The following TLK1 variants were observed in gnomAD, a reference collection of about 807,000 sequenced individuals.
TLK1 encodes serine/threonine-protein kinase tousled-like 1.
In TLK1, 24 loss-of-function variants were observed where a neutral mutation model predicts 105.3. That is an observed-to-expected ratio of 0.23 (90% CI 0.17 to 0.32). The LOEUF (loss-of-function observed/expected upper bound fraction) is 0.32. Ranked by LOEUF, TLK1 falls within the 10% of genes least tolerant of loss-of-function variation. TLK1 has a pLI of 1.00. For synonymous variants in TLK1, 321 were observed against 310.4 expected (o/e 1.03, Z -0.36); for missense variants, 558 against 910.5 (o/e 0.61, Z 4.98).
At chr2:171,069,791 C>A (rs376885743) in intron 3 of TLK1, among the ~76,000 whole-genome samples, 2 of 152,100 alleles carry the variant, frequency 1.3e-5, no homozygotes, top group Non-Finnish European at 2.9e-5. Context: ...ATTATGTATT[C>A]GTGAATTCTA....
intron 2 of TLK1, among the ~76,000 whole-genome samples, chr2:171,093,513 A>T (rs1052552490): frequency 6.6e-6 from 1 of 152,236 alleles, no homozygotes; most frequent in Admixed American, 6.5e-5. Context: ...AACCATATCC[A>T]TTTAGGGAAC....
At chr2:171,122,846 C>G (rs1378275702) in intron 1 of TLK1, among the ~76,000 whole-genome samples, 2 of 151,932 alleles carry the variant, frequency 1.3e-5, no homozygotes, top group Non-Finnish European at 2.9e-5. Context: ...CAAGACCAGC[C>G]TGGCCAACAT....
At chr2:171,220,352 T>C (rs1324700119) in intron 1 of TLK1, among the ~76,000 whole-genome samples, 1 of 152,166 alleles carries the variant, frequency 6.6e-6, no homozygotes, top group Non-Finnish European at 1.5e-5. Flanking sequence ...TCATGCCTTT[T>C]CGAAGTCAGC....
intron 1 of TLK1, among the ~76,000 whole-genome samples, chr2:171,184,490 A>T (rs991485861): frequency 2.6e-5 from 4 of 151,958 alleles, no homozygotes; most frequent in Non-Finnish European, 5.9e-5. Context: ...TAAAAATACA[A>T]AATTAGCTGG....
intron 1 of TLK1, among the ~76,000 whole-genome samples, chr2:171,152,870 T>C (rs1246776174): frequency 6.6e-6 from 1 of 152,180 alleles, no homozygotes; most frequent in Non-Finnish European, 1.5e-5. Context: ...AATTTTTCAT[T>C]GATGTATCTC....
chr2:171,167,298 T>C (rs116060163), intron 1 of TLK1, among the ~76,000 whole-genome samples: 6 of 152,346 alleles, frequency 3.9e-5, no homozygotes, highest in African/African-American at 1.4e-4. Context: ...TCAGAGTGAA[T>C]TGAAATGTCA....
chr2:171,016,119 A>G lies in TLK1; in HGVS notation c.1237-1171T>C, dbSNP rs1013920775. 2.0e-5 allele frequency among the ~76,000 whole-genome samples: 3 copies of G among 152,112 alleles called. No individual in the cohort carries two copies. The South Asian group carries it at 6.2e-4, about 32-fold the overall frequency. On this transcript the variant is annotated intron_variant, in intron 12 of 20. Coordinates refer to ENST00000431350, the MANE Select transcript of TLK1 (RefSeq NM_012290.5). ...CGCCACCCGCCGTCAATAAAAAAAA[A>G]GGATAAGCCTGTGCCAGGTTTCAGT...
At chr2:171,098,781 C>T (rs1225561298) in intron 2 of TLK1, among the ~76,000 whole-genome samples, 1 of 152,110 alleles carries the variant, frequency 6.6e-6, no homozygotes, top group Non-Finnish European at 1.5e-5. Flanking sequence ...TTTGAGCAAA[C>T]AGTATTCATT....
At chr2:171,020,527 G>A (rs1469406435) in intron 12 of TLK1, among the ~76,000 whole-genome samples, 1 of 148,514 alleles carries the variant, frequency 6.7e-6, no homozygotes, top group Non-Finnish European at 1.5e-5. Context: ...GTGACACAGC[G>A]AGACTGTCTA....
chr2:171,076,038 T>C (rs1688487319), intron 3 of TLK1, among the ~76,000 whole-genome samples: 1 of 152,046 alleles, frequency 6.6e-6, no homozygotes, highest in African/African-American at 2.4e-5. Context: ...GCTAACATGG[T>C]GAAACCCTGT....
chr2:171,192,055 G>T (rs1693165279), intron 1 of TLK1, among the ~76,000 whole-genome samples: 1 of 152,132 alleles, frequency 6.6e-6, no homozygotes, highest in South Asian at 2.1e-4. Flanking sequence ...TGGAGAAAGA[G>T]TCTCACTCTG....
intron 1 of TLK1, among the ~76,000 whole-genome samples, chr2:171,130,782 G>A (rs905697258): frequency 1.3e-5 from 2 of 152,028 alleles, no homozygotes; most frequent in African/African-American, 4.8e-5. Context: ...ACATGTCCAC[G>A]TAGACATGTT....
intron 1 of TLK1, among the ~76,000 whole-genome samples, chr2:171,149,099 CTTTTT>C (rs11335300): frequency 1.6e-4 from 9 of 57,894 alleles, no homozygotes; most frequent in Admixed American, 7.8e-4. Flanking sequence ...AATTACTTTT[CTTTTT>C]TTTTTTTTTT....
chr2:171,050,158 C>T lies in TLK1; in HGVS notation c.749G>A (p.Arg250Lys), dbSNP rs757600673. The T allele has an allele frequency of 6.3e-7, 1 of 1,596,212 alleles. No individual in the cohort carries two copies. The highest frequency in any genetic ancestry group is 8.6e-7 in the Non-Finnish European group (1 of 1,169,196). ...DDLLRANCDL[R>K]RQIDEQQKLL... ...TTTTTGTTGTTCATCTATTTGCCGT[C>T]TGAGATCACAGTTAGCCTATGACAT... The change falls in exon 9 of 21, where the codon AGA (arginine) becomes AAA (lysine). Residue 250 changes from arginine to lysine, a missense_variant. Coordinates refer to ENST00000431350, the MANE Select transcript of TLK1 (RefSeq NM_012290.5).
At chr2:171,210,464 C>A (rs1352003652) in intron 1 of TLK1, among the ~76,000 whole-genome samples, 1 of 151,926 alleles carries the variant, frequency 6.6e-6, no homozygotes. Context: ...TGGGGCTGCT[C>A]CCCACCAAGA....
rs35175399 is a variant in TLK1, at chr2:171,193,700, ATTTTTTTTTTTTT to A, written c.-6+37432_-6+37444del. Among the ~76,000 whole-genome samples the A allele has an allele frequency of 1.2e-4, 8 of 64,632 alleles. No homozygotes were observed. The South Asian group carries it at 2.3e-3, about 18-fold the overall frequency. 42.4% of individuals were successfully genotyped at this position (64,632 alleles called of 152,430 possible). On this transcript the variant is annotated intron_variant, in intron 1 of 20. Transcript: ENST00000521943. ...ATAGGCGTGAGCCACAGCGCCTGGC[ATTTTTTTTTTTTT>A]TTTTTTTTTTTTTTTTTTTGAGACA...
intron 1 of TLK1, among the ~76,000 whole-genome samples, chr2:171,187,333 C>G (rs1693051508): frequency 6.6e-6 from 1 of 152,184 alleles, no homozygotes; most frequent in Non-Finnish European, 1.5e-5. Flanking sequence ...CCTGATGCTT[C>G]ACTCCTTCAG....
intron 1 of TLK1, among the ~76,000 whole-genome samples, chr2:171,229,672 T>G (rs1204416269): frequency 6.6e-6 from 1 of 152,178 alleles, no homozygotes; most frequent in East Asian, 1.9e-4. Context: ...AAACTTTGCA[T>G]TTGCACAACT....
intron 1 of TLK1, among the ~76,000 whole-genome samples, chr2:171,213,589 C>T (rs530595553): frequency 4.6e-5 from 7 of 150,958 alleles, no homozygotes; most frequent in African/African-American, 1.2e-4. Flanking sequence ...GAGGCTGAGG[C>T]GGGAGGGCAA....
Sources: gnomAD v4.1 joint callset for allele counts (sites outside exome capture counted in the v4.1 genomes callset) on GRCh38, gnomAD v4.1.1 for gene constraint, MANE v1.5 for transcripts, NCBI Gene and HGNC (gene_info 2026-07-23, HGNC 2026-07-21) for gene names.